The following IL1RL1 variants were observed in gnomAD, a reference collection of about 807,000 sequenced individuals.
IL1RL1 encodes the protein interleukin-1 receptor-like 1.
A neutral mutation model predicts 50.9 loss-of-function variants in IL1RL1; 32 were observed. That is an observed-to-expected ratio of 0.63 (90% confidence interval 0.47 to 0.84). IL1RL1 has a LOEUF of 0.84. IL1RL1 is among the 40% of genes least tolerant of loss of function. The pLI, the probability that IL1RL1 is intolerant of heterozygous loss-of-function variation, is 0.00. For synonymous variants in IL1RL1, 275 were observed against 236.0 expected (o/e 1.17, Z -1.51); for missense variants, 773 against 662.9 (o/e 1.17, Z -1.82).
rs991434463 is a variant in IL1RL1 at position 102,342,128 on chromosome 2, T to C, written c.611-95T>C. 1.3e-5 allele frequency: 10 copies of C among 774,116 alleles called. No individual in the cohort carries two copies. The African/African-American group carries it at 1.6e-4, about 12-fold the overall frequency. 48.0% of individuals were successfully genotyped at this position (774,116 alleles called of 1,614,324 possible). On this transcript the variant is annotated intron_variant, in intron 5 of 10. Coordinates refer to ENST00000233954, the MANE Select transcript of IL1RL1 (RefSeq NM_016232.5). ...TATTGTCAGAAGAACTTGAAAAACA[T>C]TGCTATGAAATAGAATAGAAACATG...
At chr2:102,336,842 C>T (rs1677343276) in intron 1 of IL1RL1, among the ~76,000 whole-genome samples, 1 of 152,130 alleles carries the variant, frequency 6.6e-6, no homozygotes, top group East Asian at 1.9e-4. Context: ...ATTTCCTCTC[C>T]CCCACCTTTG....
At chr2:102,315,685 T>C (rs920535486) in intron 1 of IL1RL1, among the ~76,000 whole-genome samples, 8 of 152,200 alleles carry the variant, frequency 5.3e-5, no homozygotes, top group Admixed American at 1.3e-4. Context: ...TCTGAGCTGC[T>C]TTGTGCACCC....
rs1274891727 is a variant in IL1RL1, at chr2:102,347,822, A to G, written c.971-123A>G. ...GTCCTGGTACTTAAAGCAGCCATGAAAATTCCCAGTGGGTATATCTTATGT... is the reference window on the plus strand; with the variant it reads ...GTCCTGGTACTTAAAGCAGCCATGAGAATTCCCAGTGGGTATATCTTATGT... On this transcript the variant is annotated intron_variant, in intron 8 of 10. Transcript: ENST00000233954. 5 of 609,604 alleles carry G rather than the reference A, an allele frequency of 8.2e-6. No homozygotes were observed. In the East Asian group the frequency reaches 1.4e-4, roughly 17 times the overall value. 37.8% of individuals were successfully genotyped at this position (609,604 alleles called of 1,614,324 possible).
At chr2:102,317,054 T>C (rs1676693200) in intron 1 of IL1RL1, among the ~76,000 whole-genome samples, 1 of 152,200 alleles carries the variant, frequency 6.6e-6, no homozygotes, top group Non-Finnish European at 1.5e-5. Context: ...GAGCAATTTC[T>C]TTAAAATTAA....
Position 102,345,385 on chromosome 2 carries a change from T to C in IL1RL1, c.970+1970T>C, listed in dbSNP as rs1472968721. Reference sequence around the variant, plus strand: ...GCTATATGAAGCATTGTATCCCGTATAAAAGGAAGGAAAGAGAGAAATATA... The same window carrying C: ...GCTATATGAAGCATTGTATCCCGTACAAAAGGAAGGAAAGAGAGAAATATA... On this transcript the variant is annotated intron_variant, in intron 8 of 10. Coordinates refer to ENST00000233954, the MANE Select transcript of IL1RL1 (RefSeq NM_016232.5). 1.9e-5 allele frequency: 19 copies of C among 985,226 alleles called. No individual in the cohort carries two copies. The South Asian group carries it at 7.0e-4, about 37-fold the overall frequency. 61.0% of individuals were successfully genotyped at this position (985,226 alleles called of 1,614,324 possible).
At chr2:102,342,202 A>G (rs1573155474) in intron 5 of IL1RL1, 21 bp from the exon 6 acceptor site, 2 of 1,546,128 alleles carry the variant, frequency 1.3e-6, no homozygotes, top group Non-Finnish European at 1.8e-6. Flanking sequence ...CCTAATATTT[A>G]TATTTCTTTT....
At chr2:102,324,306 C>T (rs1676926767) in intron 1 of IL1RL1, among the ~76,000 whole-genome samples, 1 of 152,186 alleles carries the variant, frequency 6.6e-6, no homozygotes, top group African/African-American at 2.4e-5. Flanking sequence ...AGGTGTGCCA[C>T]ATCCTTGCCA....
At chr2:102,316,174 C>T (rs995683199) in intron 1 of IL1RL1, among the ~76,000 whole-genome samples, 1 of 152,092 alleles carries the variant, frequency 6.6e-6, no homozygotes. Flanking sequence ...CATGTCTCTG[C>T]AGTTAGTTAA....
chr2:102,340,957 T>A, intron 5 of IL1RL1, 129 bp downstream of exon 5: 3 of 754,372 alleles, frequency 4.0e-6, no homozygotes, highest in Non-Finnish European at 4.1e-6. Context: ...CCATCTTATC[T>A]TATACATTCT....
chr2:102,346,787 T>A (rs540029753), intron 8 of IL1RL1, among the ~76,000 whole-genome samples: 16 of 152,218 alleles, frequency 1.1e-4, no homozygotes, highest in Non-Finnish European at 1.6e-4. Flanking sequence ...TTGAGAGAAC[T>A]GATAAACTAT....
At position 102,324,493 on chromosome 2, in the gene IL1RL1, G is replaced by A. The variant is rs142325623; in HGVS notation, c.-150+12870G>A. On this transcript the variant is annotated intron_variant, in intron 1 of 10. Transcript: ENST00000233954. Reference sequence around the variant, plus strand: ...TGGGTTCATCTCACTGGGGCGTGTCGGATAGTGGGTGCAGGACAGTGGGTG... The same window carrying A: ...TGGGTTCATCTCACTGGGGCGTGTCAGATAGTGGGTGCAGGACAGTGGGTG... Among the ~76,000 whole-genome samples the A allele has an allele frequency of 5.4e-3, 820 of 152,284 alleles. 5 individuals carry two copies. The highest frequency in any genetic ancestry group is 0.032 in the East Asian group (168 of 5,184).
intron 1 of IL1RL1, among the ~76,000 whole-genome samples, 172 bp downstream of exon 1, chr2:102,311,795 AATTATAT>A (rs1173479961): frequency 2.8e-5 from 3 of 109,010 alleles, no homozygotes; most frequent in African/African-American, 1.1e-4. Context: ...ACATTATAAC[AATTATAT>A]ATTATATATA....
At chr2:102,350,781 G>C (rs747552727) in intron 10 of IL1RL1, among the ~76,000 whole-genome samples, 25 of 109,742 alleles carry the variant, frequency 2.3e-4, no homozygotes, top group Non-Finnish European at 4.1e-4. Context: ...TCTCCTTCTG[G>C]GAGCACCTCT....
rs1404645416 is a variant in IL1RL1, at chr2:102,323,674, T to C, written c.-150+12051T>C. On this transcript the variant is annotated intron_variant, in intron 1 of 10. Coordinates refer to ENST00000233954, the MANE Select transcript of IL1RL1 (RefSeq NM_016232.5). ...AGAACTCACCACCAAGGGAGGGGAT[T>C]GAAGGAGGGAATTAATCTATTCATG... Among the ~76,000 whole-genome samples the C allele has an allele frequency of 2.0e-5, 3 of 152,226 alleles. No individual in the cohort carries two copies. In the East Asian group the frequency reaches 5.8e-4, roughly 29 times the overall value.
At chr2:102,324,098 T>A (rs1676921225) in intron 1 of IL1RL1, among the ~76,000 whole-genome samples, 1 of 152,002 alleles carries the variant, frequency 6.6e-6, no homozygotes, top group South Asian at 2.1e-4. Flanking sequence ...ATTGGTCTTG[T>A]TTCCAGTATT....
chr2:102,343,602 T>C (rs1430764375), intron 8 of IL1RL1, 187 bp downstream of exon 8: 1 of 1,465,456 alleles, frequency 6.8e-7, no homozygotes, highest in Non-Finnish European at 9.0e-7. Flanking sequence ...TGGGAGCTTC[T>C]CTGCTGCTTA....
chr2:102,311,926 TA>T (rs1170795208), intron 1 of IL1RL1, among the ~76,000 whole-genome samples: 1 of 41,890 alleles, frequency 2.4e-5, no homozygotes, highest in Non-Finnish European at 3.9e-5. Context: ...TATTATATAA[TA>T]TATATTATAT....
intron 1 of IL1RL1, among the ~76,000 whole-genome samples, chr2:102,326,762 A>C (rs1345859396): frequency 2.0e-5 from 3 of 152,224 alleles, no homozygotes; most frequent in African/African-American, 4.8e-5. Context: ...ACAGAAGGCC[A>C]TTAAATAATG....
At chr2:102,348,145 T>C (rs1205424791) in intron 9 of IL1RL1, 54 bp downstream of exon 9, 1 of 1,417,022 alleles carries the variant, frequency 7.1e-7, no homozygotes, top group Non-Finnish European at 9.9e-7. Flanking sequence ...ATAATAACTG[T>C]TGGTTACCTG....
Sources: gnomAD v4.1 joint callset for allele counts (sites outside exome capture counted in the v4.1 genomes callset) on GRCh38, gnomAD v4.1.1 for gene constraint, MANE v1.5 for transcripts, NCBI Gene and HGNC (gene_info 2026-07-23, HGNC 2026-07-21) for gene names.